Variants in QPCT observed in about 807,000 individuals in gnomAD.
QPCT encodes the protein EC.
QPCT carries 44 observed loss-of-function variants against 43.4 expected under a neutral mutation model. The observed-to-expected ratio is 1.01, with a 90% confidence interval of 0.80 to 1.30. QPCT has a LOEUF of 1.30. QPCT is among the 50% of genes most tolerant of loss of function. The pLI is 0.00. For missense variants in QPCT, 526 were observed against 436.5 expected, an observed-to-expected ratio of 1.21 and a Z score of -1.83; for synonymous variants, 168 against 168.4, an observed-to-expected ratio of 1.00 and a Z score of 0.02.
intron 2 of QPCT, among the ~76,000 whole-genome samples, chr2:37,357,533 A>G (rs975422269): frequency 1.3e-5 from 2 of 152,170 alleles, no homozygotes. Context: ...AATTGTGGAG[A>G]GTTATGAATG....
At chr2:37,367,146 A>G in intron 3 of QPCT, 86 bp from the exon 4 acceptor site, 1 of 1,402,316 alleles carries the variant, frequency 7.1e-7, no homozygotes, top group South Asian at 1.4e-5. Flanking sequence ...TGGCACATCT[A>G]TCTTTTTGCC....
chr2:37,356,923 CT>C (rs1464831062), intron 2 of QPCT, among the ~76,000 whole-genome samples: 8 of 151,264 alleles, frequency 5.3e-5, no homozygotes, highest in African/African-American at 9.8e-5. Context: ...GGAGAATTTG[CT>C]TGAACCAGGG....
chr2:37,351,178 C>A (rs913168718), intron 1 of QPCT, among the ~76,000 whole-genome samples: 1 of 152,214 alleles, frequency 6.6e-6, no homozygotes, highest in Non-Finnish European at 1.5e-5. Flanking sequence ...ACTATTTAAG[C>A]GTATCCAGCT....
At chr2:37,361,128 G>C (rs2124938479) in intron 3 of QPCT, among the ~76,000 whole-genome samples, 1 of 152,266 alleles carries the variant, frequency 6.6e-6, no homozygotes, top group Non-Finnish European at 1.5e-5. Context: ...CTTTCTGTTA[G>C]AGATAAATGG....
intron 3 of QPCT, among the ~76,000 whole-genome samples, chr2:37,365,013 T>C (rs560241086): frequency 6.8e-6 from 1 of 148,106 alleles, no homozygotes; most frequent in East Asian, 1.9e-4. Flanking sequence ...ATTATTATTA[T>C]TATTATTATT....
intron 2 of QPCT, among the ~76,000 whole-genome samples, chr2:37,359,344 T>A (rs1156631437): frequency 6.6e-6 from 1 of 152,174 alleles, no homozygotes; most frequent in Non-Finnish European, 1.5e-5. Flanking sequence ...GATTGATTAG[T>A]AAGGGGAAGT....
Position 37,352,921 on chromosome 2 carries a change from T to G in QPCT, c.253T>G (p.Tyr85Asp), listed in dbSNP as rs1672654226. The change falls in exon 2 of 7, where the codon TAT becomes GAT. Residue 85 changes from tyrosine (Y) to aspartate (D), a missense_variant. By Grantham distance (160) the Tyr-to-Asp change is radical. Coordinates refer to ENST00000338415, the MANE Select transcript of QPCT (RefSeq NM_012413.4). ...IERYPGSPGS[Y>D]AARQHIMQRI... Reference sequence around the variant, plus strand: ...GCGATACCCGGGATCCCCTGGAAGCTATGCTGCTCGTCAGGTGAGAACATG... The same window carrying G: ...GCGATACCCGGGATCCCCTGGAAGCGATGCTGCTCGTCAGGTGAGAACATG... 6.2e-7 allele frequency: 1 copy of G among 1,613,512 alleles called. No individual in the cohort carries two copies. Among genetic ancestry groups the G allele is most frequent in the Non-Finnish European group, 8.5e-7 (1 of 1,179,608 alleles).
chr2:37,354,055 G>A (rs561523162), intron 2 of QPCT, among the ~76,000 whole-genome samples: 18 of 152,346 alleles, frequency 1.2e-4, no homozygotes, highest in Non-Finnish European at 2.2e-4. Context: ...AGTAGAGACA[G>A]GGTTTCACCA....
intron 1 of QPCT, among the ~76,000 whole-genome samples, chr2:37,351,235 T>G (rs1055988381): frequency 1.3e-5 from 2 of 152,226 alleles, no homozygotes; most frequent in African/African-American, 4.8e-5. Flanking sequence ...TCCTAATTTC[T>G]GTTTTGCCTT....
chr2:37,366,573 A>G (rs989186273), intron 3 of QPCT, among the ~76,000 whole-genome samples: 1 of 152,248 alleles, frequency 6.6e-6, no homozygotes, highest in African/African-American at 2.4e-5. Context: ...GAAGCAAGAA[A>G]GATTTACAGT....
Position 37,344,655 on chromosome 2 carries a change from G to A in QPCT, c.-77G>A. 1 of 1,523,946 alleles carries A rather than the reference G, an allele frequency of 6.6e-7. No individual in the cohort carries two copies. Among genetic ancestry groups the A allele is most frequent in the Non-Finnish European group, 8.8e-7 (1 of 1,137,036 alleles). 94.4% of individuals were successfully genotyped at this position (1,523,946 alleles called of 1,614,324 possible). On this transcript the variant is annotated 5_prime_UTR_variant, in exon 1 of 7. Transcript: ENST00000338415. ...AGTCGACCCAAGGGTGGAGAAGAGG[G>A]AAGGCGAAGGACGCGCGTTCCCGGG... is the stretch of plus-strand genomic sequence containing the variant.
Position 37,344,838 on chromosome 2 carries a change from G to A in QPCT, c.107G>A (p.Trp36Ter). The change falls in exon 1 of 7, where the codon TGG (tryptophan) becomes TAG (stop). Residue 36 changes from tryptophan to a stop codon, truncating the protein, a stop_gained. Coordinates refer to ENST00000338415, the MANE Select transcript of QPCT (RefSeq NM_012413.4). LOFTEE classifies it high-confidence loss of function. ...SRGVSPSASA[W>*]PEEKNYHQPA... ...GGGGTCAGTCCGAGTGCCTCAGCCT[G>A]GCCAGAGGAGAAGGTGAGGGGCTGT... 1 of 1,596,678 alleles carries A rather than the reference G, an allele frequency of 6.3e-7. No individual in the cohort carries two copies. Among genetic ancestry groups the A allele is most frequent in the Non-Finnish European group, 8.5e-7 (1 of 1,172,766 alleles).
At chr2:37,344,925 C>G (rs979930280) in intron 1 of QPCT, 74 bp downstream of exon 1, 11 of 1,462,912 alleles carry the variant, frequency 7.5e-6, no homozygotes, top group Non-Finnish European at 9.0e-6. Context: ...CGGGTCAGCC[C>G]TACCTAGGCA....
chr2:37,350,665 A>T (rs1323423368), intron 1 of QPCT, among the ~76,000 whole-genome samples: 4 of 152,152 alleles, frequency 2.6e-5, no homozygotes, highest in African/African-American at 9.7e-5. Flanking sequence ...CTCTCCTTCA[A>T]CCTCAGGAAG....
chr2:37,345,107 C>T (rs1226561264), intron 1 of QPCT, among the ~76,000 whole-genome samples: 1 of 152,180 alleles, frequency 6.6e-6, no homozygotes, highest in Non-Finnish European at 1.5e-5. Context: ...GGGCTGCGGT[C>T]TGATGGGGGT....
At chr2:37,359,416 TAAC>T (rs1672818170) in intron 2 of QPCT, among the ~76,000 whole-genome samples, 161 bp from the exon 3 acceptor site, 1 of 152,206 alleles carries the variant, frequency 6.6e-6, no homozygotes, top group Non-Finnish European at 1.5e-5. Context: ...TTAATTACAA[TAAC>T]AATACAAAGC....
At chr2:37,364,082 G>A (rs1672909029) in intron 3 of QPCT, among the ~76,000 whole-genome samples, 2 of 152,130 alleles carry the variant, frequency 1.3e-5, no homozygotes, top group African/African-American at 4.8e-5. Context: ...ATGAAATTAT[G>A]CCTTAAATAT....
At position 37,359,624 on chromosome 2, in the gene QPCT, G is replaced by A; in HGVS notation, c.312G>A (p.Leu104=). 1 of 1,614,118 alleles carries A rather than the reference G, an allele frequency of 6.2e-7. No individual in the cohort carries two copies. The highest frequency in any genetic ancestry group is 8.5e-7 in the Non-Finnish European group (1 of 1,180,018). ...AGAGGCTTCAGGCTGACTGGGTCTT[G>A]GAAATAGACACCTTCTTGAGTCAGA... ...RIQRLQADWV[L]EIDTFLSQTP... is the part of the protein sequence containing the mutation. The change falls in exon 3 of 7, where the codon TTG becomes TTA. Residue 104 remains leucine, a synonymous_variant. Coordinates refer to ENST00000338415, the MANE Select transcript of QPCT (RefSeq NM_012413.4).
intron 2 of QPCT, among the ~76,000 whole-genome samples, chr2:37,355,336 T>A (rs2124934643): frequency 6.6e-6 from 1 of 152,326 alleles, no homozygotes; most frequent in African/African-American, 2.4e-5. Flanking sequence ...ATGGCCTTAA[T>A]TTGACTAAGA....
Sources: gnomAD v4.1 joint callset for allele counts (sites outside exome capture counted in the v4.1 genomes callset) on GRCh38, gnomAD v4.1.1 for gene constraint, MANE v1.5 for transcripts, NCBI Gene and HGNC (gene_info 2026-07-23, HGNC 2026-07-21) for gene names.